PPP2R2C: variants seen among roughly 807,000 people sequenced by gnomAD.
PPP2R2C encodes the protein protein phosphatase 2, regulatory subunit B, gamma.
Under a neutral mutation model 45.3 loss-of-function variants are expected in PPP2R2C, and 10 were observed. The ratio of observed to expected loss-of-function variants is 0.22; its 90% CI spans 0.14 to 0.37. PPP2R2C has a LOEUF of 0.37. Ranked by LOEUF, PPP2R2C falls within the 10% of genes least tolerant of loss-of-function variation. The probability of loss-of-function intolerance (pLI) is 1.00; values close to 1 mark genes in which losing one functional copy is unlikely to be tolerated. For missense variants in PPP2R2C, 308 were observed against 619.7 expected (o/e 0.50, Z 5.34); for synonymous variants, 257 against 245.4 (o/e 1.05, Z -0.44).
Position 6,472,275 on chromosome 4 carries a change from C to G in PPP2R2C, c.-46G>C. On this transcript the variant is annotated 5_prime_UTR_variant, in exon 1 of 9. Transcript: ENST00000382599. ...CTGGGCATGCCCCGCCGCCACACAC[C>G]GATGCAATCCGCAGAGGTCGCGCCG... 1 of 1,609,880 alleles carries G rather than the reference C, an allele frequency of 6.2e-7. No homozygotes were observed. Among genetic ancestry groups the G allele is most frequent in the Non-Finnish European group, 8.5e-7 (1 of 1,178,016 alleles).
intron 1 of PPP2R2C, among the ~76,000 whole-genome samples, chr4:6,547,651 G>T (rs945366674): frequency 3.3e-5 from 5 of 152,182 alleles, no homozygotes; most frequent in Non-Finnish European, 7.3e-5. Flanking sequence ...GATACACCCA[G>T]AAGGCAGGAC....
At chr4:6,404,815 A>T (rs1363077910) in intron 1 of PPP2R2C, among the ~76,000 whole-genome samples, 1 of 152,228 alleles carries the variant, frequency 6.6e-6, no homozygotes, top group African/African-American at 2.4e-5. Context: ...ATTCTGAGAC[A>T]CAACGGGCAG....
chr4:6,329,338 G>A lies in PPP2R2C; in HGVS notation c.976C>T (p.Arg326Trp). 5.6e-6 allele frequency: 9 copies of A among 1,614,146 alleles called. No individual in the cohort carries two copies. The highest frequency in any genetic ancestry group is 1.3e-5 in the African/African-American group (1 of 75,082). Residue 326 changes from arginine (R) to tryptophan (W), a missense_variant, in exon 8 of 9, where the codon CGG becomes TGG. Arg to Trp is a moderately radical substitution (Grantham distance 101). Transcript: ENST00000382599. This position sits in a 1 kb window ranked among gnomAD's most constrained non-coding sequence, Gnocchi z 5.8. The part of the protein sequence containing the change: ...IETYQVHDYL[R>W]SKLCSLYEND... ...TCGTACAGGGAACAGAGCTTGCTCC[G>A]AAGGTAGTCATGGACCTGGTGGGAT...
At chr4:6,557,326 C>T (rs1470315414) in intron 1 of PPP2R2C, among the ~76,000 whole-genome samples, 2 of 151,836 alleles carry the variant, frequency 1.3e-5, no homozygotes, top group Admixed American at 6.6e-5. Context: ...GCTCCGAGAA[C>T]ACAGATGAGT....
chr4:6,435,841 G>A (rs915143737), intron 1 of PPP2R2C, among the ~76,000 whole-genome samples: 6 of 152,090 alleles, frequency 3.9e-5, no homozygotes, highest in Non-Finnish European at 5.9e-5. Context: ...GTTCACCCCA[G>A]ACTTCCCTGA....
intron 2 of PPP2R2C, among the ~76,000 whole-genome samples, chr4:6,514,695 G>A (rs1723778526): frequency 6.6e-6 from 1 of 152,218 alleles, no homozygotes; most frequent in South Asian, 2.1e-4. Context: ...TGCCTGGGGT[G>A]GATATTCATT....
chr4:6,322,146 C>T lies in PPP2R2C; in HGVS notation c.*1156G>A, dbSNP rs575657866. 7.9e-5 allele frequency: 12 copies of T among 152,186 alleles called. No individual in the cohort carries two copies. Among genetic ancestry groups the T allele is most frequent in the African/African-American group, 2.6e-4 (11 of 41,514 alleles). 9.4% of individuals were successfully genotyped at this position (152,186 alleles called of 1,614,324 possible). On this transcript the variant is annotated 3_prime_UTR_variant, in exon 9 of 9. Coordinates refer to ENST00000382599, the MANE Select transcript of PPP2R2C (RefSeq NM_020416.4). This position sits in a 1 kb window ranked among gnomAD's most constrained non-coding sequence, Gnocchi z 7.8. ...TCCTACTTCACAAGACAGAGGCATTCCTTTCCAAACCTTCCATTTGAATGT... is the reference window on the plus strand; with the variant it reads ...TCCTACTTCACAAGACAGAGGCATTTCTTTCCAAACCTTCCATTTGAATGT...
At chr4:6,343,704 T>TA (rs1055190230) in intron 6 of PPP2R2C, among the ~76,000 whole-genome samples, 7 of 150,176 alleles carry the variant, frequency 4.7e-5, no homozygotes, top group Non-Finnish European at 7.4e-5. Flanking sequence ...AAATTCTGTC[T>TA]AAAAAAAAAG....
chr4:6,403,235 C>G (rs182398472), intron 1 of PPP2R2C, among the ~76,000 whole-genome samples: 16 of 152,320 alleles, frequency 1.1e-4, no homozygotes, highest in Middle Eastern at 3.4e-3. Flanking sequence ...CAGCAATTCT[C>G]ATCTGGCTGA....
chr4:6,470,000 G>C (rs890589459), intron 1 of PPP2R2C, among the ~76,000 whole-genome samples: 4 of 152,226 alleles, frequency 2.6e-5, no homozygotes, highest in African/African-American at 9.6e-5. Flanking sequence ...GTGAGCCTTC[G>C]TATGAGGTCC....
At chr4:6,418,615 G>C (rs527856339) in intron 1 of PPP2R2C, among the ~76,000 whole-genome samples, 1 of 152,276 alleles carries the variant, frequency 6.6e-6, no homozygotes, top group South Asian at 2.1e-4. Flanking sequence ...CATAGGCTGA[G>C]CTGCTCTTCC....
At chr4:6,458,748 C>G (rs561302838) in intron 1 of PPP2R2C, among the ~76,000 whole-genome samples, 1 of 152,320 alleles carries the variant, frequency 6.6e-6, no homozygotes, top group South Asian at 2.1e-4. Flanking sequence ...CATGACCCAG[C>G]AGGCATGGTG....
chr4:6,428,728 G>A (rs1196323854), intron 1 of PPP2R2C, among the ~76,000 whole-genome samples: 2 of 152,252 alleles, frequency 1.3e-5, no homozygotes, highest in Admixed American at 6.5e-5. Context: ...ACCAGGGGCT[G>A]GACCCCTTGC....
At chr4:6,506,734 T>G (rs1352207342) in intron 2 of PPP2R2C, among the ~76,000 whole-genome samples, 2 of 152,206 alleles carry the variant, frequency 1.3e-5, no homozygotes, top group Non-Finnish European at 2.9e-5. Context: ...TGTTCCTTCT[T>G]GGTGTTCCTC....
rs139773786 is a variant in PPP2R2C, at chr4:6,321,831, C to G, written c.*1471G>C. On this transcript the variant is annotated 3_prime_UTR_variant, in exon 9 of 9. Transcript: ENST00000382599. ...GCATCTACCATGGAAACACCACCTTCTCTGTGGCCCTCATTGTCAGAGGGG... is the reference window on the plus strand; with the variant it reads ...GCATCTACCATGGAAACACCACCTTGTCTGTGGCCCTCATTGTCAGAGGGG... 1 of 152,334 alleles carries G rather than the reference C, an allele frequency of 6.6e-6. No homozygotes were observed. The highest frequency in any genetic ancestry group is 1.5e-5 in the Non-Finnish European group (1 of 68,048). The allele number at this position is 152,334 out of a possible 1,614,324, so 9.4% of individuals were successfully genotyped here. A position where few individuals can be genotyped will look rare whatever the true frequency, so the allele number is the denominator to read the frequency against.
At position 6,378,964 on chromosome 4, in the gene PPP2R2C, A is replaced by T. The variant is rs1356717856; in HGVS notation, c.169-392T>A. Among the ~76,000 whole-genome samples, 10 of 151,728 alleles carry T rather than the reference A, an allele frequency of 6.6e-5. No homozygotes were observed. Among genetic ancestry groups the T allele is most frequent in the Admixed American group, 2.6e-4 (4 of 15,218 alleles). ...CAAACAGAGACTCAGAGGGGAAGTG[A>T]CTTCCCAGAGCCGTGAGGTCACTCT... On this transcript the variant is annotated intron_variant, in intron 2 of 8. Transcript: ENST00000382599. This position sits in a 1 kb window ranked among gnomAD's most constrained non-coding sequence, Gnocchi z 5.2.
chr4:6,452,789 C>G (rs1352431177), intron 1 of PPP2R2C, among the ~76,000 whole-genome samples: 1 of 152,344 alleles, frequency 6.6e-6, no homozygotes, highest in East Asian at 1.9e-4. Context: ...CTGAGTGTTC[C>G]CAAGCCTGGA....
At chr4:6,531,345 C>A (rs1179854367) in intron 2 of PPP2R2C, among the ~76,000 whole-genome samples, 3 of 152,176 alleles carry the variant, frequency 2.0e-5, no homozygotes, top group African/African-American at 4.8e-5. Flanking sequence ...TCAGAGCCAA[C>A]CCGTGACAGC....
chr4:6,548,813 A>G (rs1725080736), intron 1 of PPP2R2C, among the ~76,000 whole-genome samples: 1 of 152,198 alleles, frequency 6.6e-6, no homozygotes, highest in Non-Finnish European at 1.5e-5. Flanking sequence ...CAAAATCCAG[A>G]GGCAGTCAAG....
Sources: gnomAD v4.1 joint callset for allele counts (sites outside exome capture counted in the v4.1 genomes callset) on GRCh38, gnomAD v4.1.1 for gene constraint, Gnocchi (gnomAD v3.1) non-coding constraint, MANE v1.5 for transcripts, NCBI Gene and HGNC (gene_info 2026-07-23, HGNC 2026-07-21) for gene names.